Variants in ADGRD1 observed in about 807,000 individuals in gnomAD.
ADGRD1 encodes adhesion G protein-coupled receptor D1.
A neutral mutation model predicts 113.4 loss-of-function variants in ADGRD1; 77 were observed. That is an observed-to-expected ratio of 0.68 (90% CI 0.57 to 0.82). The LOEUF is 0.82. ADGRD1 is among the 40% of genes least tolerant of loss of function. The pLI is 0.00. For synonymous variants in ADGRD1, 474 were observed against 475.0 expected (o/e 1.00, Z 0.03); for missense variants, 1,036 against 1,139.1 (o/e 0.91, Z 1.30).
At position 131,032,692 on chromosome 12, in the gene ADGRD1, TAGAGA is replaced by T. The variant is rs1039238715; in HGVS notation, c.1473+18354_1473+18358del. On this transcript the variant is annotated intron_variant, in intron 13 of 24. Transcript: ENST00000261654. Reference sequence around the variant, plus strand: ...ACCCCGTCACAGAGATGACATTTATTAGAGAAATCGCCACCCCATCACAGAGATGA... The same window carrying T: ...ACCCCGTCACAGAGATGACATTTATTAATCGCCACCCCATCACAGAGATGA... Among the ~76,000 whole-genome samples, 6 of 138,000 alleles carry T rather than the reference TAGAGA, an allele frequency of 4.3e-5. 1 individual carries two copies. The highest frequency in any genetic ancestry group is 9.9e-5 in the African/African-American group (3 of 30,230). The allele number at this position is 138,000 out of a possible 152,430, so 90.5% of individuals were successfully genotyped here.
chr12:131,078,440 G>A (rs540904589), intron 14 of ADGRD1, among the ~76,000 whole-genome samples: 4 of 152,328 alleles, frequency 2.6e-5, no homozygotes, highest in Admixed American at 2.6e-4. Flanking sequence ...AGGCTCAGCA[G>A]GTTGCAGCTC....
chr12:130,981,822 G>A (rs1873028612), intron 4 of ADGRD1, 62 bp from the exon 5 acceptor site: 3 of 1,083,882 alleles, frequency 2.8e-6, no homozygotes, highest in Middle Eastern at 2.0e-4. Context: ...AGAGAACCAT[G>A]TGCTTGCGAG....
At chr12:131,048,527 G>C (rs1260645944) in intron 13 of ADGRD1, among the ~76,000 whole-genome samples, 1 of 152,164 alleles carries the variant, frequency 6.6e-6, no homozygotes, top group African/African-American at 2.4e-5. Context: ...TGTGCATGTG[G>C]GGCGTGGCCA....
chr12:130,954,210 C>G lies in ADGRD1; in HGVS notation c.-256C>G. 2.5e-6 allele frequency: 1 copy of G among 398,466 alleles called. No individual in the cohort carries two copies. Among genetic ancestry groups the G allele is most frequent in the Non-Finnish European group, 4.4e-6 (1 of 227,044 alleles). 24.7% of individuals were successfully genotyped at this position (398,466 alleles called of 1,614,324 possible). ...TGCGAGTCGGGTTTGGGTTTCTCCT[C>G]CCTGCATTCCACAGCTGCTCTGGTC... On this transcript the variant is annotated 5_prime_UTR_variant, in exon 1 of 25. Coordinates refer to ENST00000261654, the MANE Select transcript of ADGRD1 (RefSeq NM_198827.5). The surrounding 1 kb of genome is among the most constrained non-coding windows in gnomAD (Gnocchi z 4.7).
chr12:131,044,661 C>T (rs1255767675), intron 13 of ADGRD1, among the ~76,000 whole-genome samples: 2 of 152,220 alleles, frequency 1.3e-5, no homozygotes, highest in Admixed American at 1.3e-4. Flanking sequence ...CGCTGCCCTC[C>T]CTCCCACGGC....
At position 131,118,457 on chromosome 12, in the gene ADGRD1, T is replaced by TG; in HGVS notation, c.2108+7dup. On this transcript the variant is annotated splice_region_variant and intron_variant, in intron 19 of 24. Coordinates refer to ENST00000261654, the MANE Select transcript of ADGRD1 (RefSeq NM_198827.5). Reference sequence around the variant, plus strand: ...AGTTACGGAACAAGCAACAAGTAAGTGCAGGGCTTTGCCTTGCTTTTGGCA... The same window carrying TG: ...AGTTACGGAACAAGCAACAAGTAAGTGGCAGGGCTTTGCCTTGCTTTTGGCA... 3 of 1,601,398 alleles carry TG rather than the reference T, an allele frequency of 1.9e-6. No individual in the cohort carries two copies. Among genetic ancestry groups the TG allele is most frequent in the Non-Finnish European group, 2.6e-6 (3 of 1,174,602 alleles).
intron 15 of ADGRD1, among the ~76,000 whole-genome samples, chr12:131,099,222 C>T (rs1189894702): frequency 6.6e-6 from 1 of 152,190 alleles, no homozygotes; most frequent in Non-Finnish European, 1.5e-5. Flanking sequence ...CTGTCAGGTT[C>T]CTGCCCAAGC....
At chr12:131,001,611 G>A (rs1296625654) in intron 9 of ADGRD1, among the ~76,000 whole-genome samples, 1 of 152,212 alleles carries the variant, frequency 6.6e-6, no homozygotes, top group Non-Finnish European at 1.5e-5. Context: ...CATCTCAGTG[G>A]CTCAGCACAG....
chr12:131,085,237 C>T (rs933403986), intron 15 of ADGRD1, among the ~76,000 whole-genome samples: 3 of 152,140 alleles, frequency 2.0e-5, no homozygotes, highest in African/African-American at 4.8e-5. Flanking sequence ...GGCGTCTTCA[C>T]GGAGCGGTGA....
chr12:131,138,699 G>A (rs751409913), intron 24 of ADGRD1, among the ~76,000 whole-genome samples: 5 of 151,994 alleles, frequency 3.3e-5, no homozygotes, highest in South Asian at 2.1e-4. Flanking sequence ...CTCGCACTCC[G>A]CCCCCGCCCG....
intron 13 of ADGRD1, among the ~76,000 whole-genome samples, chr12:131,042,173 G>T (rs1252937797): frequency 6.6e-6 from 1 of 152,236 alleles, no homozygotes; most frequent in Non-Finnish European, 1.5e-5. Context: ...GTAAAGTTAT[G>T]AACTGTCCCA....
chr12:131,105,010 C>A, intron 16 of ADGRD1, 76 bp downstream of exon 16: 1 of 1,045,586 alleles, frequency 9.6e-7, no homozygotes, highest in Non-Finnish European at 1.4e-6. Context: ...GGAAGAGACA[C>A]GGGAGAGGGG....
At chr12:130,995,373 G>A (rs1220638486) in intron 8 of ADGRD1, among the ~76,000 whole-genome samples, 1 of 152,212 alleles carries the variant, frequency 6.6e-6, no homozygotes, top group Non-Finnish European at 1.5e-5. Context: ...TGCAACACAA[G>A]GCAATGCAGG....
At chr12:131,033,876 G>C (rs919921179) in intron 13 of ADGRD1, among the ~76,000 whole-genome samples, 1 of 152,140 alleles carries the variant, frequency 6.6e-6, no homozygotes, top group Non-Finnish European at 1.5e-5. Context: ...ATCTAGGTGT[G>C]AGCGTCTGTG....
chr12:131,134,572 T>C (rs927116159), intron 21 of ADGRD1, among the ~76,000 whole-genome samples: 7 of 152,252 alleles, frequency 4.6e-5, no homozygotes, highest in African/African-American at 1.7e-4. Context: ...AACAGGTGTT[T>C]TATTTTTATT....
At chr12:131,132,196 A>T (rs949595362) in intron 21 of ADGRD1, among the ~76,000 whole-genome samples, 6 of 152,186 alleles carry the variant, frequency 3.9e-5, no homozygotes, top group Admixed American at 2.6e-4. Flanking sequence ...TTAGCCCCTC[A>T]GCACCTCGCC....
At chr12:131,125,470 ATG>A (rs1378180932) in intron 20 of ADGRD1, among the ~76,000 whole-genome samples, 2 of 152,196 alleles carry the variant, frequency 1.3e-5, no homozygotes, top group Non-Finnish European at 2.9e-5. Flanking sequence ...CAGGGTAGCT[ATG>A]TGTCTACATA....
intron 2 of ADGRD1, among the ~76,000 whole-genome samples, chr12:130,959,311 C>T (rs1257329718): frequency 6.6e-6 from 1 of 152,206 alleles, no homozygotes; most frequent in African/African-American, 2.4e-5. Flanking sequence ...GTGGCTCATT[C>T]CTGGAATCCC....
intron 10 of ADGRD1, 132 bp from the exon 11 acceptor site, chr12:131,004,048 TGCTTTC>T: frequency 2.0e-6 from 1 of 495,042 alleles, no homozygotes; most frequent in South Asian, 2.5e-5. Context: ...TTTGAGGCCA[TGCTTTC>T]TAAAGGTAAT....
Sources: allele counts gnomAD v4.1 joint callset (sites outside exome capture counted in the v4.1 genomes callset), GRCh38; gene constraint gnomAD v4.1.1; non-coding constraint Gnocchi (gnomAD v3.1); transcripts MANE v1.5; gene names NCBI Gene and HGNC (gene_info 2026-07-23, HGNC 2026-07-21).